Variants in PDE1C observed in about 807,000 individuals in gnomAD.
The protein encoded by PDE1C is dual specificity calcium/calmodulin-dependent 3',5'-cyclic nucleotide phosphodiesterase 1C.
PDE1C carries 62 observed loss-of-function variants against 93.1 expected under a neutral mutation model. The observed-to-expected ratio is 0.67, with a 90% CI of 0.54 to 0.82. The LOEUF is 0.82. PDE1C is among the 40% of genes least tolerant of loss of function. The pLI is 0.00. For synonymous variants in PDE1C, 325 were observed against 310.1 expected (o/e 1.05, Z -0.50); for missense variants, 742 against 884.6 (o/e 0.84, Z 2.04).
At chr7:31,729,901 C>A in the PDE1C span, among the ~76,000 whole-genome samples, 37 of 152,254 alleles carry the variant, frequency 2.4e-4, no homozygotes, top group Non-Finnish European at 4.3e-4. Context: ...GCCAAATATA[C>A]TTCCAGGAAG....
intron 2 of PDE1C, among the ~76,000 whole-genome samples, chr7:31,888,099 A>T (rs1798175368): frequency 6.6e-6 from 1 of 151,920 alleles, no homozygotes; most frequent in South Asian, 2.1e-4. Flanking sequence ...ATACAAAAAA[A>T]ATTAGCCGAG....
chr7:32,366,040 C>T (rs1784223766), intron 1 of PDE1C, among the ~76,000 whole-genome samples: 1 of 152,122 alleles, frequency 6.6e-6, no homozygotes. Context: ...AAACATGACA[C>T]CTCCAAATGA....
At chr7:31,727,543 A>G in the PDE1C span, among the ~76,000 whole-genome samples, 1 of 152,186 alleles carries the variant, frequency 6.6e-6, no homozygotes. Context: ...CAAGACAAAT[A>G]GTTGGACATT....
At chr7:31,854,911 A>G (rs1793805741) in intron 7 of PDE1C, among the ~76,000 whole-genome samples, 1 of 152,148 alleles carries the variant, frequency 6.6e-6, no homozygotes, top group African/African-American at 2.4e-5. Flanking sequence ...TACTGAAAAT[A>G]CAAAAATCAG....
chr7:32,212,713 A>C (rs142901389), intron 1 of PDE1C, among the ~76,000 whole-genome samples: 1 of 151,764 alleles, frequency 6.6e-6, no homozygotes, highest in Non-Finnish European at 1.5e-5. Flanking sequence ...CCAACTCCTT[A>C]CTCATCCTTT....
At chr7:31,682,436 A>T in the PDE1C span, among the ~76,000 whole-genome samples, 1 of 152,228 alleles carries the variant, frequency 6.6e-6, no homozygotes, top group Non-Finnish European at 1.5e-5. Flanking sequence ...ATTACTTCAC[A>T]CCTATCAAAA....
intron 2 of PDE1C, among the ~76,000 whole-genome samples, chr7:31,975,679 C>T (rs1383776089): frequency 1.3e-5 from 2 of 152,116 alleles, no homozygotes; most frequent in Non-Finnish European, 1.5e-5. Context: ...CTATACAAGT[C>T]GCCCCAACAG....
At chr7:32,023,529 C>G (rs1314729507) in intron 2 of PDE1C, among the ~76,000 whole-genome samples, 1 of 151,982 alleles carries the variant, frequency 6.6e-6, no homozygotes, top group Non-Finnish European at 1.5e-5. Context: ...ACTCCCCAAA[C>G]ATCCTTCAGG....
At chr7:31,935,420 TTCA>T (rs1804904981) in intron 2 of PDE1C, among the ~76,000 whole-genome samples, 1 of 152,142 alleles carries the variant, frequency 6.6e-6, no homozygotes, top group Non-Finnish European at 1.5e-5. Flanking sequence ...AGGGCACAAG[TTCA>T]TCCTTCTCTA....
chr7:31,868,640 G>C (rs971768529), intron 6 of PDE1C, among the ~76,000 whole-genome samples: 1 of 152,080 alleles, frequency 6.6e-6, no homozygotes, highest in Non-Finnish European at 1.5e-5. Flanking sequence ...CAAAATACTA[G>C]TGGAAAAATT....
chr7:32,275,475 G>A (rs1469212125), intron 1 of PDE1C, among the ~76,000 whole-genome samples: 1 of 152,048 alleles, frequency 6.6e-6, no homozygotes, highest in East Asian at 1.9e-4. Context: ...CACTTTCTCA[G>A]TAAATCTTGC....
intron 2 of PDE1C, among the ~76,000 whole-genome samples, chr7:31,963,952 G>A (rs1005500601): frequency 6.6e-6 from 1 of 152,178 alleles, no homozygotes; most frequent in Non-Finnish European, 1.5e-5. Context: ...ATCTGTGTTA[G>A]GTGTTAAGAA....
intron 2 of PDE1C, among the ~76,000 whole-genome samples, chr7:31,946,627 T>G (rs1228742812): frequency 6.6e-6 from 1 of 152,188 alleles, no homozygotes; most frequent in Non-Finnish European, 1.5e-5. Flanking sequence ...CCACTTCCTT[T>G]CAACCCTCAT....
chr7:32,377,078 T>C (rs1182889038), intron 1 of PDE1C, among the ~76,000 whole-genome samples: 1 of 152,110 alleles, frequency 6.6e-6, no homozygotes, highest in African/African-American at 2.4e-5. Context: ...TGTTCTCTGC[T>C]GTAGCCATTC....
At chr7:31,861,052 C>T (rs574373073) in intron 7 of PDE1C, among the ~76,000 whole-genome samples, 1 of 152,250 alleles carries the variant, frequency 6.6e-6, no homozygotes, top group Admixed American at 6.5e-5. Flanking sequence ...TCCATTCTCA[C>T]CAAACCACTG....
chr7:32,298,466 G>C (rs533788490), intron 1 of PDE1C, among the ~76,000 whole-genome samples: 3 of 152,226 alleles, frequency 2.0e-5, no homozygotes, highest in Non-Finnish European at 2.9e-5. Context: ...TGCCGGGGGG[G>C]ACAGCCCAGG....
chr7:31,984,156 G>C (rs1783067603), intron 2 of PDE1C, among the ~76,000 whole-genome samples: 1 of 152,184 alleles, frequency 6.6e-6, no homozygotes. Flanking sequence ...TCAATGGCCT[G>C]TTAGGAACCA....
the PDE1C span, among the ~76,000 whole-genome samples, chr7:31,627,602 G>T: frequency 2.1e-5 from 3 of 139,698 alleles, no homozygotes; most frequent in African/African-American, 8.0e-5. Flanking sequence ...TGGCTACGCA[G>T]TAAGCTGCGA....
the PDE1C span, among the ~76,000 whole-genome samples, chr7:31,693,797 T>C: frequency 5.9e-5 from 9 of 152,200 alleles, no homozygotes; most frequent in Non-Finnish European, 2.9e-5. Flanking sequence ...GAAATTTACC[T>C]GAATACTTTT....
Sources: gnomAD v4.1 joint callset for allele counts (sites outside exome capture counted in the v4.1 genomes callset) on GRCh38, gnomAD v4.1.1 for gene constraint, MANE v1.5 for transcripts, NCBI Gene and HGNC (gene_info 2026-07-23, HGNC 2026-07-21) for gene names.